Variants in PCDHGA8 observed in about 807,000 individuals in gnomAD.
PCDHGA8 encodes protocadherin gamma-A8.
Under a neutral mutation model 59.2 loss-of-function variants are expected in PCDHGA8, and 45 were observed. That is an observed-to-expected ratio of 0.76 (90% confidence interval 0.60 to 0.98). The LOEUF (loss-of-function observed/expected upper bound fraction) is 0.98. Ranked by LOEUF, PCDHGA8 falls within the 50% of genes least tolerant of loss-of-function variation. The pLI is 0.00. For synonymous variants in PCDHGA8, 531 were observed against 519.0 expected, an observed-to-expected ratio of 1.02 and a Z score of -0.32; for missense variants, 1,257 against 1,196.2, an observed-to-expected ratio of 1.05 and a Z score of -0.75.
At chr5:141,409,227 A>G (rs2095244126) in intron 1 of PCDHGA8, 1 of 1,613,922 alleles carries the variant, frequency 6.2e-7, no homozygotes, top group African/African-American at 1.3e-5. Flanking sequence ...GATGAAAACG[A>G]CAACAGCCCA....
chr5:141,468,419 G>A (rs1733006381), intron 1 of PCDHGA8: 1 of 151,826 alleles, frequency 6.6e-6, no homozygotes, highest in Admixed American at 6.6e-5. Flanking sequence ...AAGTTAGATA[G>A]CAAGGTAATA....
rs576594507 is a variant in PCDHGA8, at chr5:141,397,831, A to T, written c.2424+2594A>T. On this transcript the variant is annotated intron_variant, in intron 1 of 3. Transcript: ENST00000398604. ...CACAAAAACAATTACTGCACTGGTT[A>T]ACTTGAAGCCGCAGAGGCTGTAGTT... 9.5e-4 allele frequency among the ~76,000 whole-genome samples: 145 copies of T among 152,360 alleles called. 1 individual carries two copies. The highest frequency in any genetic ancestry group is 1.8e-3 in the Non-Finnish European group (124 of 68,036).
chr5:141,438,063 A>T (rs540817874), intron 1 of PCDHGA8, among the ~76,000 whole-genome samples: 1 of 152,106 alleles, frequency 6.6e-6, no homozygotes, highest in Non-Finnish European at 1.5e-5. Context: ...CTTTTAAGAA[A>T]CCATACTTAA....
intron 1 of PCDHGA8, chr5:141,421,851 T>G: frequency 6.2e-7 from 1 of 1,613,714 alleles, no homozygotes; most frequent in East Asian, 2.2e-5. Context: ...AAGAGGCTGC[T>G]CACCTGCTCC....
intron 1 of PCDHGA8, chr5:141,409,468 C>A: frequency 2.5e-6 from 4 of 1,613,948 alleles, no homozygotes; most frequent in Non-Finnish European, 3.4e-6. Context: ...ATGTCACCAT[C>A]GTAGCCACTG....
intron 1 of PCDHGA8, among the ~76,000 whole-genome samples, chr5:141,494,382 G>C (rs1311387598): frequency 6.6e-6 from 1 of 152,182 alleles, no homozygotes; most frequent in Non-Finnish European, 1.5e-5. Flanking sequence ...CCCAGCTGAG[G>C]AGTTGAATAA....
At chr5:141,450,836 T>A (rs991599340) in intron 1 of PCDHGA8, among the ~76,000 whole-genome samples, 2 of 149,760 alleles carry the variant, frequency 1.3e-5, no homozygotes, top group African/African-American at 4.9e-5. Flanking sequence ...ATTATTTTTT[T>A]TTTTTTGAGA....
intron 1 of PCDHGA8, chr5:141,430,850 A>T (rs1204872595): frequency 6.3e-7 from 1 of 1,582,670 alleles, no homozygotes; most frequent in South Asian, 1.2e-5. Context: ...ATGCACCCAG[A>T]TACGCTATTC....
chr5:141,509,447 C>T (rs898280593), intron 3 of PCDHGA8, among the ~76,000 whole-genome samples: 2 of 152,128 alleles, frequency 1.3e-5, no homozygotes, highest in Admixed American at 6.5e-5. Context: ...CCTCCTCTCC[C>T]ACCCCCGACC....
Position 141,393,447 on chromosome 5 carries a change from C to T in PCDHGA8, c.634C>T (p.Leu212Phe), listed in dbSNP as rs753693736. ...REEEAAHHLV[L>F]TASDGGKPPR... is the part of the protein sequence containing the mutation. ...GGAAGAGGCTGCTCACCACCTGGTC[C>T]TCACGGCCTCGGATGGCGGCAAGCC... Residue 212 changes from leucine to phenylalanine, a missense_variant, in exon 1 of 4, where the codon CTC (leucine) becomes TTC (phenylalanine). By Grantham distance (22) the Leu-to-Phe change is conservative. Coordinates refer to ENST00000398604, the MANE Select transcript of PCDHGA8 (RefSeq NM_032088.2). 1.9e-6 allele frequency: 3 copies of T among 1,614,052 alleles called. No homozygotes were observed. The highest frequency in any genetic ancestry group is 4.5e-5 in the East Asian group (2 of 44,872).
chr5:141,428,479 T>A (rs577865239), intron 1 of PCDHGA8: 1 of 328,682 alleles, frequency 3.0e-6, no homozygotes, highest in African/African-American at 2.1e-5. Flanking sequence ...TTTGCTTTAT[T>A]CCTGCAATCT....
intron 2 of PCDHGA8, among the ~76,000 whole-genome samples, chr5:141,502,109 C>G (rs2099812899): frequency 1.3e-5 from 2 of 152,182 alleles, no homozygotes; most frequent in Admixed American, 1.3e-4. Flanking sequence ...ACCCTGCACC[C>G]TCAGCCAGGC....
At chr5:141,505,241 T>C in intron 2 of PCDHGA8, 152 bp from the exon 3 acceptor site, 3 of 1,396,292 alleles carry the variant, frequency 2.1e-6, no homozygotes, top group South Asian at 1.4e-5. Flanking sequence ...TTCTGAAGGA[T>C]TGTAGAAGTG....
intron 1 of PCDHGA8, chr5:141,409,322 C>A (rs1161029892): frequency 6.2e-7 from 1 of 1,613,988 alleles, no homozygotes; most frequent in Non-Finnish European, 8.5e-7. Flanking sequence ...AACACGGGAT[C>A]TGGATTTCGG....
At chr5:141,461,820 A>AT (rs1458631685) in intron 1 of PCDHGA8, among the ~76,000 whole-genome samples, 5 of 147,814 alleles carry the variant, frequency 3.4e-5, no homozygotes, top group African/African-American at 7.5e-5. Context: ...CACCCAGCTA[A>AT]TTTTTTTTTC....
At chr5:141,398,612 T>G in intron 1 of PCDHGA8, 1 of 1,614,024 alleles carries the variant, frequency 6.2e-7, no homozygotes, top group Non-Finnish European at 8.5e-7. Flanking sequence ...GATGCAGATA[T>G]TGGCTTAAAC....
At chr5:141,423,980 G>A (rs2154550577) in intron 1 of PCDHGA8, 1 of 1,110,878 alleles carries the variant, frequency 9.0e-7, no homozygotes, top group South Asian at 4.5e-5. Flanking sequence ...AGTGTATGAG[G>A]CTCTCAATTT....
rs765972156 is a variant in PCDHGA8, at chr5:141,432,960, G to A, written c.2424+37723G>A. 3.1e-6 allele frequency: 5 copies of A among 1,614,070 alleles called. No individual in the cohort carries two copies. The East Asian group carries it at 6.7e-5, about 22-fold the overall frequency. On this transcript the variant is annotated intron_variant, in intron 1 of 3. Transcript: ENST00000398604. This position sits in a 1 kb window ranked among gnomAD's most constrained non-coding sequence, Gnocchi z 6.0. ...CAGGCTTCAGGAGGCGGCTTGACAG[G>A]AGCGCCGGCGTCGCACTTTGTGGGC...
At chr5:141,419,159 T>G in intron 1 of PCDHGA8, 1 of 1,613,916 alleles carries the variant, frequency 6.2e-7, no homozygotes, top group Non-Finnish European at 8.5e-7. Flanking sequence ...TCCGTTATCC[T>G]CCAGCAAAAC....
Sources: allele counts gnomAD v4.1 joint callset (sites outside exome capture counted in the v4.1 genomes callset), GRCh38; gene constraint gnomAD v4.1.1; non-coding constraint Gnocchi (gnomAD v3.1); transcripts MANE v1.5; gene names NCBI Gene and HGNC (gene_info 2026-07-23, HGNC 2026-07-21).